Variants in GRID2 observed in about 807,000 individuals in gnomAD.
The protein encoded by GRID2 is glutamate ionotropic receptor delta type subunit 2, also known as glutamate receptor ionotropic, delta-2.
GRID2 carries 33 observed loss-of-function variants against 114.8 expected under a neutral mutation model. That is an observed-to-expected ratio of 0.29 (90% confidence interval 0.22 to 0.38). The LOEUF is 0.38. GRID2 is among the 10% of genes least tolerant of loss of function. The pLI is 1.00. For missense variants in GRID2, 1,184 were observed against 1,257.7 expected (o/e 0.94, Z 0.89); for synonymous variants, 505 against 449.9 (o/e 1.12, Z -1.55).
chr4:93,504,766 G>A (rs1418670821), intron 12 of GRID2, among the ~76,000 whole-genome samples: 2 of 151,556 alleles, frequency 1.3e-5, no homozygotes, highest in African/African-American at 2.4e-5. Context: ...TACTTAGAAG[G>A]TTCACAAATT....
At chr4:93,546,473 G>C (rs145319842) in intron 13 of GRID2, among the ~76,000 whole-genome samples, 21 of 152,302 alleles carry the variant, frequency 1.4e-4, no homozygotes, top group Non-Finnish European at 2.5e-4. Flanking sequence ...CTAGCAAAGA[G>C]GACCAAGGAG....
intron 8 of GRID2, among the ~76,000 whole-genome samples, chr4:93,357,190 C>T (rs1761419098): frequency 6.6e-6 from 1 of 151,392 alleles, no homozygotes; most frequent in Middle Eastern, 3.6e-3. Flanking sequence ...TCTTTTCTCA[C>T]CTATCAAACT....
intron 2 of GRID2, among the ~76,000 whole-genome samples, chr4:92,916,983 T>G (rs968151746): frequency 3.3e-5 from 5 of 152,096 alleles, no homozygotes; most frequent in South Asian, 2.1e-4. Flanking sequence ...CCACCAACAG[T>G]GTAAAAGTGT....
chr4:93,114,360 C>T (rs1356457206), intron 4 of GRID2, among the ~76,000 whole-genome samples: 1 of 152,124 alleles, frequency 6.6e-6, no homozygotes, highest in Non-Finnish European at 1.5e-5. Flanking sequence ...CCAACCTTGA[C>T]CCTGAACTTT....
At chr4:93,315,999 G>A (rs1213677988) in intron 8 of GRID2, among the ~76,000 whole-genome samples, 2 of 152,078 alleles carry the variant, frequency 1.3e-5, no homozygotes, top group Admixed American at 1.3e-4. Context: ...AACTAAGAAT[G>A]TAGTTTTTGA....
intron 1 of GRID2, among the ~76,000 whole-genome samples, chr4:92,495,493 A>G (rs557777587): frequency 2.6e-5 from 4 of 152,058 alleles, no homozygotes; most frequent in Middle Eastern, 6.8e-3. Flanking sequence ...CATAGAGACA[A>G]TTAGCAGGAT....
intron 1 of GRID2, among the ~76,000 whole-genome samples, chr4:92,374,525 C>A (rs961912537): frequency 6.6e-6 from 1 of 152,088 alleles, no homozygotes; most frequent in Admixed American, 6.5e-5. Flanking sequence ...TTCTCAGGAC[C>A]TCCTGAGGGC....
At chr4:92,525,601 A>C (rs1725003796) in intron 1 of GRID2, among the ~76,000 whole-genome samples, 1 of 152,150 alleles carries the variant, frequency 6.6e-6, no homozygotes, top group Non-Finnish European at 1.5e-5. Context: ...AAGCAGCTTT[A>C]GAAAAACAGA....
At chr4:93,010,279 A>G (rs949317450) in intron 2 of GRID2, among the ~76,000 whole-genome samples, 3 of 152,080 alleles carry the variant, frequency 2.0e-5, no homozygotes, top group African/African-American at 7.2e-5. Context: ...TTAAATATTT[A>G]TATCAATCAT....
chr4:92,640,339 G>T (rs1279281345), intron 2 of GRID2, among the ~76,000 whole-genome samples: 1 of 151,730 alleles, frequency 6.6e-6, no homozygotes, highest in Admixed American at 6.6e-5. Flanking sequence ...CAAACATAAA[G>T]CTACTAAGAT....
At chr4:92,534,243 C>T (rs185376590) in intron 1 of GRID2, among the ~76,000 whole-genome samples, 2 of 152,160 alleles carry the variant, frequency 1.3e-5, no homozygotes, top group East Asian at 3.9e-4. Flanking sequence ...GAAAGTCTAT[C>T]CTCTTACCTT....
At position 93,062,086 on chromosome 4, in the gene GRID2, T is replaced by A. The variant is rs186668316; in HGVS notation, c.245-22909T>A. ...CCCTCCCAGGAGGAAATGAGGCAGTTACAGACTTGCTGTTAATTCTTTTAT... is the reference window on the plus strand; with the variant it reads ...CCCTCCCAGGAGGAAATGAGGCAGTAACAGACTTGCTGTTAATTCTTTTAT... On this transcript the variant is annotated intron_variant, in intron 2 of 15. Transcript: ENST00000282020. 4.8e-4 allele frequency among the ~76,000 whole-genome samples: 73 copies of A among 152,264 alleles called. No individual in the cohort carries two copies. In the East Asian group the frequency reaches 0.013, roughly 27 times the overall value.
intron 8 of GRID2, among the ~76,000 whole-genome samples, chr4:93,342,742 TAAAG>T (rs997543420): frequency 2.0e-5 from 3 of 152,278 alleles, no homozygotes; most frequent in South Asian, 2.1e-4. Context: ...TGCAAAGAAA[TAAAG>T]AAAAACAAAT....
chr4:93,600,754 C>T (rs995235779), intron 13 of GRID2, among the ~76,000 whole-genome samples: 1 of 152,170 alleles, frequency 6.6e-6, no homozygotes, highest in African/African-American at 2.4e-5. Context: ...CCATAAAAGA[C>T]TCATATTGGA....
chr4:93,308,722 A>T (rs1755697811), intron 8 of GRID2, among the ~76,000 whole-genome samples: 1 of 152,202 alleles, frequency 6.6e-6, no homozygotes, highest in South Asian at 2.1e-4. Context: ...AATTTCTTAC[A>T]ATGTACACAA....
intron 8 of GRID2, among the ~76,000 whole-genome samples, chr4:93,312,696 A>G (rs1756146329): frequency 6.6e-6 from 1 of 152,192 alleles, no homozygotes; most frequent in African/African-American, 2.4e-5. Context: ...TAAGTGAACT[A>G]GAATACACAT....
At chr4:92,366,139 A>T (rs1030250105) in intron 1 of GRID2, among the ~76,000 whole-genome samples, 4 of 152,038 alleles carry the variant, frequency 2.6e-5, no homozygotes. Context: ...ATAAAATAGC[A>T]TAATACTTTC....
At chr4:92,854,744 A>C (rs1578316864) in intron 2 of GRID2, among the ~76,000 whole-genome samples, 1 of 152,182 alleles carries the variant, frequency 6.6e-6, no homozygotes, top group Admixed American at 6.6e-5. Flanking sequence ...ACAAGTTTTC[A>C]AAATTTATCT....
chr4:93,526,216 T>C (rs1730881927), intron 13 of GRID2, among the ~76,000 whole-genome samples: 1 of 152,118 alleles, frequency 6.6e-6, no homozygotes, highest in South Asian at 2.1e-4. Flanking sequence ...CTAGTGGTTT[T>C]AAAGTGATAT....
Sources: gnomAD v4.1 joint callset for allele counts (sites outside exome capture counted in the v4.1 genomes callset) on GRCh38, gnomAD v4.1.1 for gene constraint, MANE v1.5 for transcripts, NCBI Gene and HGNC (gene_info 2026-07-23, HGNC 2026-07-21) for gene names.